Variants in SUSD6 observed in about 807,000 individuals in gnomAD.
SUSD6 encodes sushi domain-containing protein 6.
Under a neutral mutation model 28.4 loss-of-function variants are expected in SUSD6, and 16 were observed. The ratio of observed to expected loss-of-function variants is 0.56; its 90% CI spans 0.38 to 0.86. The LOEUF is 0.86. Ranked by LOEUF, SUSD6 falls within the 40% of genes least tolerant of loss-of-function variation. The pLI is 0.00. For missense variants in SUSD6, 341 were observed against 384.2 expected (o/e 0.89, Z 0.94); for synonymous variants, 147 against 159.6 (o/e 0.92, Z 0.59).
At chr14:69,669,777 T>C (rs904198823) in intron 2 of SUSD6, among the ~76,000 whole-genome samples, 3 of 152,218 alleles carry the variant, frequency 2.0e-5, no homozygotes, top group African/African-American at 7.2e-5. Flanking sequence ...CTAGAATTAA[T>C]AGGGTCTGAA....
At chr14:69,668,224 G>A (rs1235161489) in intron 2 of SUSD6, among the ~76,000 whole-genome samples, 2 of 152,238 alleles carry the variant, frequency 1.3e-5, no homozygotes, top group African/African-American at 4.8e-5. Context: ...GGAGAAAAGA[G>A]AGGGCCCAGG....
chr14:69,622,261 C>T (rs891194647), intron 1 of SUSD6, among the ~76,000 whole-genome samples: 3 of 152,132 alleles, frequency 2.0e-5, no homozygotes, highest in Non-Finnish European at 4.4e-5. Context: ...ACCTTACGGG[C>T]TTATGCGATC....
chr14:69,664,600 A>G (rs1885711523), intron 2 of SUSD6, among the ~76,000 whole-genome samples: 1 of 152,148 alleles, frequency 6.6e-6, no homozygotes, highest in Non-Finnish European at 1.5e-5. Flanking sequence ...GCATTGAGAA[A>G]TTACCCTCTG....
chr14:69,613,939 G>T (rs1018072923), intron 1 of SUSD6, among the ~76,000 whole-genome samples: 6 of 152,208 alleles, frequency 3.9e-5, no homozygotes, highest in African/African-American at 1.4e-4. Context: ...CCAGAATTTG[G>T]TGAGATAGAA....
intron 1 of SUSD6, among the ~76,000 whole-genome samples, chr14:69,630,176 C>T (rs779687528): frequency 1.3e-5 from 2 of 152,170 alleles, no homozygotes; most frequent in Non-Finnish European, 2.9e-5. Flanking sequence ...AAGTAGATTG[C>T]TTGTGTACCC....
intron 2 of SUSD6, among the ~76,000 whole-genome samples, chr14:69,698,633 A>G (rs1170703640): frequency 6.6e-6 from 1 of 152,186 alleles, no homozygotes; most frequent in Non-Finnish European, 1.5e-5. Flanking sequence ...GGGAACCTTT[A>G]GAAAGGCTGG....
In SUSD6 at chr14:69,613,565, T is replaced by C. The variant is rs377284763; in HGVS notation, c.-81+1737T>C. Among the ~76,000 whole-genome samples the C allele has an allele frequency of 2.3e-3, 351 of 152,386 alleles. 3 individuals carry two copies. Among genetic ancestry groups the C allele is most frequent in the African/African-American group, 8.1e-3 (335 of 41,596 alleles). On this transcript the variant is annotated intron_variant, in intron 1 of 5. Coordinates refer to ENST00000342745, the MANE Select transcript of SUSD6 (RefSeq NM_014734.4). ...GTGATACCGAATGTATGCCAGGCAC[T>C]GTGCTAGGTATTGCAGGTACTGCAT...
At chr14:69,708,521 G>A (rs1447680524) in intron 4 of SUSD6, among the ~76,000 whole-genome samples, 156 bp from the exon 5 acceptor site, 1 of 152,234 alleles carries the variant, frequency 6.6e-6, no homozygotes. Context: ...GGGCTCAGGT[G>A]AGAATCCAGC....
chr14:69,625,655 C>T (rs1328135089), intron 1 of SUSD6, among the ~76,000 whole-genome samples: 2 of 152,194 alleles, frequency 1.3e-5, no homozygotes, highest in East Asian at 3.9e-4. Context: ...CTTAGAACCA[C>T]ATCCTTTTTC....
intron 2 of SUSD6, among the ~76,000 whole-genome samples, chr14:69,685,314 G>A (rs537607422): frequency 3.3e-5 from 5 of 152,336 alleles, no homozygotes; most frequent in South Asian, 2.1e-4. Flanking sequence ...TTTGCTCCCC[G>A]TTGAGGAAGG....
Position 69,703,609 on chromosome 14 carries a change from A to G in SUSD6, c.319+17A>G. Reference sequence around the variant, plus strand: ...TCAACGAGGGTCAGTCTGGCAGATGAAAAAGGGATGCTGCTGGGGTTCTGC... The same window carrying G: ...TCAACGAGGGTCAGTCTGGCAGATGGAAAAGGGATGCTGCTGGGGTTCTGC... On this transcript the variant is annotated intron_variant, in intron 3 of 5. Coordinates refer to ENST00000342745, the MANE Select transcript of SUSD6 (RefSeq NM_014734.4). The G allele has an allele frequency of 6.2e-7, 1 of 1,609,644 alleles. No homozygotes were observed. Among genetic ancestry groups the G allele is most frequent in the Non-Finnish European group, 8.5e-7 (1 of 1,176,198 alleles).
intron 1 of SUSD6, among the ~76,000 whole-genome samples, chr14:69,616,360 T>TA (rs1278905122): frequency 1.3e-5 from 2 of 152,212 alleles, no homozygotes; most frequent in African/African-American, 2.4e-5. Flanking sequence ...AATTTAAGAT[T>TA]AGAGTGTGGA....
At chr14:69,654,638 G>C (rs1781183649) in intron 1 of SUSD6, among the ~76,000 whole-genome samples, 1 of 152,144 alleles carries the variant, frequency 6.6e-6, no homozygotes, top group Admixed American at 6.5e-5. Flanking sequence ...CATTTTGTTT[G>C]AATAGATAAT....
At chr14:69,685,416 T>G (rs1339527041) in intron 2 of SUSD6, among the ~76,000 whole-genome samples, 1 of 152,202 alleles carries the variant, frequency 6.6e-6, no homozygotes, top group Non-Finnish European at 1.5e-5. Flanking sequence ...ATTTGACAAG[T>G]CTTTTCCATC....
At chr14:69,625,368 T>TA (rs1052699293) in intron 1 of SUSD6, among the ~76,000 whole-genome samples, 4 of 152,226 alleles carry the variant, frequency 2.6e-5, no homozygotes, top group African/African-American at 9.6e-5. Context: ...TTACCTACTT[T>TA]AAAGTTACAG....
chr14:69,699,473 G>A (rs2139642998), intron 2 of SUSD6, among the ~76,000 whole-genome samples: 1 of 151,772 alleles, frequency 6.6e-6, no homozygotes, highest in East Asian at 1.9e-4. Flanking sequence ...CAAAGCGCTG[G>A]GATTGTAGGC....
intron 1 of SUSD6, among the ~76,000 whole-genome samples, chr14:69,621,658 C>G (rs141465016): frequency 1.0e-3 from 154 of 152,292 alleles, no homozygotes; most frequent in African/African-American, 3.6e-3. Context: ...ACATTTGCCT[C>G]TGTAGTTTGG....
chr14:69,704,581 CTGA>C lies in SUSD6; in HGVS notation c.320-17_320-15del. ...TTGTGTATTTGGGTACAAAACCCTTCTGATGATGGCTTGTTTTTATAGATAAAG... is the reference window on the plus strand; with the variant it reads ...TTGTGTATTTGGGTACAAAACCCTTCTGATGGCTTGTTTTTATAGATAAAG... On this transcript the variant is annotated intron_variant, in intron 3 of 5. Transcript: ENST00000342745. 1 of 1,603,604 alleles carries C rather than the reference CTGA, an allele frequency of 6.2e-7. No individual in the cohort carries two copies.
chr14:69,612,638 G>A (rs920008089), intron 1 of SUSD6, among the ~76,000 whole-genome samples: 2 of 152,158 alleles, frequency 1.3e-5, no homozygotes, highest in East Asian at 3.9e-4. Flanking sequence ...TCAAAATAAA[G>A]TCTTGGGCTG....
Sources: gnomAD v4.1 joint callset for allele counts (sites outside exome capture counted in the v4.1 genomes callset) on GRCh38, gnomAD v4.1.1 for gene constraint, MANE v1.5 for transcripts, NCBI Gene and HGNC (gene_info 2026-07-23, HGNC 2026-07-21) for gene names.